The following CLNK variants were observed in gnomAD, a reference collection of about 807,000 sequenced individuals.
CLNK encodes the protein cytokine dependent hematopoietic cell linker.
A neutral mutation model predicts 68.6 loss-of-function variants in CLNK; 74 were observed. The observed-to-expected ratio is 1.08, with a 90% confidence interval of 0.89 to 1.31. The LOEUF (loss-of-function observed/expected upper bound fraction) is 1.31, where lower values mean the gene tolerates loss of function less well. Ranked by LOEUF, CLNK falls within the 50% of genes most tolerant of loss-of-function variation. The pLI, the probability that CLNK is intolerant of heterozygous loss-of-function variation, is 0.00. For missense variants in CLNK, 553 were observed against 515.3 expected (o/e 1.07, Z -0.71); for synonymous variants, 198 against 172.2 (o/e 1.15, Z -1.17).
intron 6 of CLNK, 138 bp downstream of exon 6, chr4:10,565,871 A>G: frequency 1.2e-6 from 1 of 855,330 alleles, no homozygotes; most frequent in Non-Finnish European, 1.7e-6. Context: ...AGACTTTCTC[A>G]AGGTCACACA....
intron 8 of CLNK, among the ~76,000 whole-genome samples, chr4:10,547,686 T>C (rs1239810516): frequency 6.6e-6 from 1 of 152,096 alleles, no homozygotes; most frequent in Non-Finnish European, 1.5e-5. Context: ...CATTCTACTC[T>C]TTGCTTCTAT....
the CLNK span, among the ~76,000 whole-genome samples, chr4:10,690,267 C>T: frequency 3.3e-5 from 5 of 152,134 alleles, no homozygotes; most frequent in Non-Finnish European, 1.5e-5. Context: ...CTAAACCATC[C>T]CACAGGACAG....
At chr4:10,720,855 G>T in the CLNK span, among the ~76,000 whole-genome samples, 2 of 151,278 alleles carry the variant, frequency 1.3e-5, no homozygotes, top group Non-Finnish European at 2.9e-5. Flanking sequence ...AGAAATGAAA[G>T]CTTATGTTCA....
intron 15 of CLNK, among the ~76,000 whole-genome samples, chr4:10,519,887 A>T (rs1322651160): frequency 1.3e-5 from 2 of 152,124 alleles, no homozygotes; most frequent in African/African-American, 4.8e-5. Context: ...TTACTACTTG[A>T]ATTTTATGAA....
chr4:10,588,211 C>T (rs907540926), intron 3 of CLNK, among the ~76,000 whole-genome samples: 2 of 152,178 alleles, frequency 1.3e-5, no homozygotes, highest in Non-Finnish European at 1.5e-5. Context: ...AATCTGAGCT[C>T]GGGAATTTTG....
chr4:10,633,277 T>A (rs1053227892), intron 2 of CLNK, among the ~76,000 whole-genome samples: 1 of 152,198 alleles, frequency 6.6e-6, no homozygotes, highest in African/African-American at 2.4e-5. Flanking sequence ...CCTGCTAGAA[T>A]CAAAGCTAAA....
chr4:10,711,944 C>G, the CLNK span, among the ~76,000 whole-genome samples: 3 of 151,996 alleles, frequency 2.0e-5, no homozygotes, highest in Non-Finnish European at 2.9e-5. Flanking sequence ...TCAACAGAAC[C>G]TGAACATGGA....
chr4:10,714,914 A>T, the CLNK span, among the ~76,000 whole-genome samples: 2 of 151,956 alleles, frequency 1.3e-5, no homozygotes, highest in East Asian at 3.9e-4. Context: ...TTCTTTTTTT[A>T]TTCAGCATTT....
chr4:10,587,809 G>A lies in CLNK; in HGVS notation c.84-2854C>T, dbSNP rs117612038. ...TTGACACCAGCCTATCTGCCTCCCC[G>A]GTCCCTACTGTCTCCCCTACCCCAG... On this transcript the variant is annotated intron_variant, in intron 3 of 18. Coordinates refer to ENST00000226951, the MANE Select transcript of CLNK (RefSeq NM_052964.4). Among the ~76,000 whole-genome samples the A allele has an allele frequency of 2.9e-4, 44 of 152,184 alleles. 2 individuals are homozygous for A. The East Asian group carries it at 7.9e-3, about 27-fold the overall frequency.
intron 2 of CLNK, chr4:10,598,785 T>C (rs866309189): frequency 2.9e-6 from 1 of 350,626 alleles, no homozygotes; most frequent in Non-Finnish European, 5.8e-6. Flanking sequence ...TTTCATTAGC[T>C]CTATCAAACA....
In CLNK at chr4:10,489,324, A is replaced by C. The variant is rs898822623; in HGVS notation, c.*1143T>G. The C allele has an allele frequency of 6.6e-6, 1 of 152,224 alleles. No homozygotes were observed. Among genetic ancestry groups the C allele is most frequent in the African/African-American group, 2.4e-5 (1 of 41,464 alleles). The allele number at this position is 152,224 out of a possible 1,614,324, so 9.4% of individuals were successfully genotyped here. On this transcript the variant is annotated 3_prime_UTR_variant, in exon 19 of 19. Coordinates refer to ENST00000226951, the MANE Select transcript of CLNK (RefSeq NM_052964.4). ...GTGCAACGTTACTGCAAGAATTAGC[A>C]CTAATTTGAGGACAGTTTTTCTCTG...
chr4:10,634,324 G>A (rs984975486), intron 2 of CLNK, among the ~76,000 whole-genome samples: 3 of 152,208 alleles, frequency 2.0e-5, no homozygotes, highest in East Asian at 3.8e-4. Context: ...TGTCCCCCAC[G>A]TTAGCACCGA....
At chr4:10,578,151 T>C (rs1249737335) in intron 4 of CLNK, among the ~76,000 whole-genome samples, 1 of 152,234 alleles carries the variant, frequency 6.6e-6, no homozygotes, top group Admixed American at 6.5e-5. Context: ...GGATAACTTC[T>C]TGGCTCAGTG....
intron 1 of CLNK, among the ~76,000 whole-genome samples, chr4:10,683,858 A>G (rs1428854511): frequency 6.6e-6 from 1 of 152,206 alleles, no homozygotes; most frequent in African/African-American, 2.4e-5. Flanking sequence ...CAGTATAGAC[A>G]GAGACAGCCA....
chr4:10,712,214 C>A, the CLNK span, among the ~76,000 whole-genome samples: 2 of 152,140 alleles, frequency 1.3e-5, no homozygotes, highest in African/African-American at 4.8e-5. Context: ...CAGTCTGTCA[C>A]CTCAAGCCTG....
At chr4:10,684,383 G>A (rs1425142908) in intron 1 of CLNK, among the ~76,000 whole-genome samples, 2 of 152,142 alleles carry the variant, frequency 1.3e-5, no homozygotes, top group African/African-American at 4.8e-5. Flanking sequence ...GATTTCAGTT[G>A]CAAACAGTCG....
chr4:10,672,030 C>A (rs544802606), intron 1 of CLNK, among the ~76,000 whole-genome samples: 1 of 152,278 alleles, frequency 6.6e-6, no homozygotes, highest in South Asian at 2.1e-4. Flanking sequence ...AGCCCCTAAG[C>A]TAACTAAGAT....
chr4:10,538,246 C>A (rs1300295270), intron 11 of CLNK, among the ~76,000 whole-genome samples: 1 of 152,160 alleles, frequency 6.6e-6, no homozygotes, highest in Non-Finnish European at 1.5e-5. Flanking sequence ...TCTCATGTCT[C>A]AGTCTCCAGA....
the CLNK span, among the ~76,000 whole-genome samples, chr4:10,723,804 C>T: frequency 1.3e-5 from 2 of 151,072 alleles, no homozygotes; most frequent in Admixed American, 1.3e-4. Context: ...TCTTGTGTCT[C>T]TTCCAGTTAG....
Sources: gnomAD v4.1 joint callset for allele counts (sites outside exome capture counted in the v4.1 genomes callset) on GRCh38, gnomAD v4.1.1 for gene constraint, MANE v1.5 for transcripts, NCBI Gene and HGNC (gene_info 2026-07-23, HGNC 2026-07-21) for gene names.